Variants in FBXO44 observed in about 807,000 individuals in gnomAD.
FBXO44 encodes F-box protein 44.
Under a neutral mutation model 33.5 loss-of-function variants are expected in FBXO44, and 25 were observed. The observed-to-expected ratio is 0.75, with a 90% CI of 0.54 to 1.04. The LOEUF (loss-of-function observed/expected upper bound fraction) is 1.04, where lower values mean the gene tolerates loss of function less well. Ranked by LOEUF, FBXO44 falls within the 50% of genes least tolerant of loss-of-function variation. The pLI, the probability that FBXO44 is intolerant of heterozygous loss-of-function variation, is 0.00. For missense variants in FBXO44, 311 were observed against 344.0 expected (o/e 0.90, Z 0.76); for synonymous variants, 147 against 152.8 (o/e 0.96, Z 0.28).
chr1:11,655,426 CTGAGGATGGGAG>C (rs1410837956), intron 1 of FBXO44: 1 of 202,704 alleles, frequency 4.9e-6, no homozygotes, highest in African/African-American at 2.3e-5. Context: ...CCATCATGTT[CTGAGGATGGGAG>C]AGAGGATGGT....
chr1:11,657,633 C>T (rs953410989), intron 2 of FBXO44, among the ~76,000 whole-genome samples: 8 of 152,018 alleles, frequency 5.3e-5, no homozygotes, highest in Admixed American at 2.6e-4. Context: ...CCCAGCTACT[C>T]GGGAGGCTGA....
rs1640278961 is a variant in FBXO44 at position 11,663,047 on chromosome 1, C to T, written c.*1774C>T. On this transcript the variant is annotated 3_prime_UTR_variant, in exon 6 of 6. Coordinates refer to ENST00000251547, the MANE Select transcript of FBXO44 (RefSeq NM_033182.7). ...TCTCAGCTCACTGCAAGCTCTGCCT[C>T]CCAGGTTCGCGCCATTCACCTGCCT... is the stretch of plus-strand genomic sequence containing the variant. The T allele has an allele frequency of 1.3e-5, 2 of 150,742 alleles. No homozygotes were observed. Among genetic ancestry groups the T allele is most frequent in the African/African-American group, 4.9e-5 (2 of 40,848 alleles). The allele number at this position is 150,742 out of a possible 1,614,324, so 9.3% of individuals were successfully genotyped here. A position where few individuals can be genotyped will look rare whatever the true frequency, so the allele number is the denominator to read the frequency against.
chr1:11,660,311 G>A lies in FBXO44; in HGVS notation c.625-819G>A, dbSNP rs535898677. On this transcript the variant is annotated intron_variant, in intron 5 of 5. Coordinates refer to ENST00000251547, the MANE Select transcript of FBXO44 (RefSeq NM_033182.7). ...TGAGTAGCTGGGATTACAGGCATGC[G>A]CCACCACGCCAGCTAATTTTGTATT... 5.9e-5 allele frequency among the ~76,000 whole-genome samples: 9 copies of A among 152,200 alleles called. No homozygotes were observed. The East Asian group carries it at 1.4e-3, about 23-fold the overall frequency.
At chr1:11,654,570 A>C (rs1321848394), upstream of FBXO44, 1 of 380,172 alleles carries the variant, frequency 2.6e-6, no homozygotes, top group Non-Finnish European at 4.6e-6. Flanking sequence ...CGGACCGAGG[A>C]GGCTGGGAAA....
chr1:11,662,710 C>T lies in FBXO44; in HGVS notation c.*1437C>T, dbSNP rs1423403577. 6.6e-6 allele frequency: 1 copy of T among 152,236 alleles called. No individual in the cohort carries two copies. Among genetic ancestry groups the T allele is most frequent in the African/African-American group, 2.4e-5 (1 of 41,444 alleles). The allele number at this position is 152,236 out of a possible 1,614,324, so 9.4% of individuals were successfully genotyped here. On this transcript the variant is annotated 3_prime_UTR_variant, in exon 6 of 6. Transcript: ENST00000251547. ...GTGATATGGTTAAGCTTTGTGTCCC[C>T]ACCCACATCTCATCTTGAATGGTAA...
At chr1:11,659,784 C>A (rs1475999540) in intron 5 of FBXO44, among the ~76,000 whole-genome samples, 3 of 152,242 alleles carry the variant, frequency 2.0e-5, no homozygotes, top group African/African-American at 4.8e-5. Context: ...GCATGAGCCA[C>A]TGTGCCCAGC....
chr1:11,658,526 C>T lies in FBXO44; in HGVS notation c.393-7C>T, dbSNP rs1481720355. The T allele has an allele frequency of 6.2e-7, 1 of 1,611,314 alleles. No homozygotes were observed. The highest frequency in any genetic ancestry group is 1.1e-5 in the South Asian group (1 of 90,856). On this transcript the variant is annotated splice_polypyrimidine_tract_variant and splice_region_variant and intron_variant, in intron 3 of 5. Coordinates refer to ENST00000251547, the MANE Select transcript of FBXO44 (RefSeq NM_033182.7). ...CCAGCCCCTCCCACCCCTCTGCCTG[C>T]CCCCAGCACCTGCCTCAAGTCCCAG...
At chr1:11,657,512 G>A (rs1452587804) in intron 2 of FBXO44, among the ~76,000 whole-genome samples, 3 of 152,184 alleles carry the variant, frequency 2.0e-5, no homozygotes, top group Non-Finnish European at 4.4e-5. Context: ...GGCCAAGGTG[G>A]GTGGATCATC....
Position 11,658,886 on chromosome 1 carries a change from G to A in FBXO44, c.624+15G>A, listed in dbSNP as rs1051409912. 2 of 1,602,860 alleles carry A rather than the reference G, an allele frequency of 1.2e-6. No individual in the cohort carries two copies. Among genetic ancestry groups the A allele is most frequent in the African/African-American group, 2.7e-5 (2 of 74,954 alleles). On this transcript the variant is annotated intron_variant, in intron 5 of 5. Transcript: ENST00000251547. ...AGTGGAGGGAGGTGCGTGGGCCTGG[G>A]GGACGGGGGCAGAGGCAGATCGTCC...
rs1217191124 is a variant in FBXO44, at chr1:11,661,126, C to G, written c.625-4C>G. 1.9e-6 allele frequency: 3 copies of G among 1,609,064 alleles called. No individual in the cohort carries two copies. The highest frequency in any genetic ancestry group is 2.6e-6 in the Non-Finnish European group (3 of 1,176,092). On this transcript the variant is annotated splice_region_variant and splice_polypyrimidine_tract_variant and intron_variant, in intron 5 of 5. Transcript: ENST00000251547. The surrounding 1 kb of genome is among the most constrained non-coding windows in gnomAD (Gnocchi z 4.4). The stretch of plus-strand genomic sequence containing the variant: ...CTTTCTCCCCCCTCTACCTGCCCTG[C>G]CAGGTCTCCCACACATTCTCCAACT...
intron 5 of FBXO44, among the ~76,000 whole-genome samples, chr1:11,660,520 T>C (rs1640113310): frequency 6.6e-6 from 1 of 152,238 alleles, no homozygotes; most frequent in Non-Finnish European, 1.5e-5. Flanking sequence ...TTGGACATCC[T>C]TTGGCAGCTT....
At chr1:11,660,726 C>A (rs1051273653) in intron 5 of FBXO44, among the ~76,000 whole-genome samples, 1 of 152,166 alleles carries the variant, frequency 6.6e-6, no homozygotes, top group African/African-American at 2.4e-5. Context: ...TTCCCCTGCC[C>A]CCCTCAGGCA....
chr1:11,661,112 C>G lies in FBXO44; in HGVS notation c.625-18C>G, dbSNP rs761857270. 24 of 1,603,728 alleles carry G rather than the reference C, an allele frequency of 1.5e-5. No individual in the cohort carries two copies. In the South Asian group the frequency reaches 1.7e-4, roughly 11 times the overall value. ...TCAGCTCCCTTGACCTTTCTCCCCC[C>G]TCTACCTGCCCTGCCAGGTCTCCCA... On this transcript the variant is annotated intron_variant, in intron 5 of 5. Transcript: ENST00000251547. The surrounding 1 kb of genome is among the most constrained non-coding windows in gnomAD (Gnocchi z 4.4).
upstream of FBXO44, chr1:11,654,487 G>A: frequency 2.7e-6 from 2 of 745,062 alleles, no homozygotes; most frequent in Non-Finnish European, 3.7e-6. Context: ...GCCCCGCCCC[G>A]CCTCTGGCCC....
chr1:11,658,220 G>A (rs777715093), intron 2 of FBXO44, 47 bp from the exon 3 acceptor site: 16 of 1,607,208 alleles, frequency 1.0e-5, no homozygotes, highest in East Asian at 4.5e-5. Context: ...GGGAGAAGGC[G>A]GCCACTGAGG....
upstream of FBXO44, chr1:11,654,591 C>T (rs1308673541): frequency 5.5e-6 from 2 of 364,874 alleles, no homozygotes; most frequent in African/African-American, 4.2e-5. Flanking sequence ...GGTCAGGAGT[C>T]GTTTTTTTTC....
At chr1:11,660,796 G>A (rs1001957857) in intron 5 of FBXO44, among the ~76,000 whole-genome samples, 18 of 151,810 alleles carry the variant, frequency 1.2e-4, no homozygotes, top group African/African-American at 4.4e-4. Context: ...TATTTCTTTT[G>A]TTTTTTAGAG....
chr1:11,659,553 T>G (rs1157382071), intron 5 of FBXO44, among the ~76,000 whole-genome samples: 1 of 152,230 alleles, frequency 6.6e-6, no homozygotes, highest in Non-Finnish European at 1.5e-5. Flanking sequence ...TCACCCAGGC[T>G]GGCGCATTCA....
chr1:11,658,821 C>T lies in FBXO44; in HGVS notation c.574C>T (p.Gln192Ter), dbSNP rs771019879. The T allele has an allele frequency of 6.2e-6, 10 of 1,612,998 alleles. 1 individual carries two copies. The South Asian group carries it at 1.1e-4, about 18-fold the overall frequency. Residue 192 changes from glutamine (Q) to a stop codon, truncating the protein, a stop_gained, in exon 5 of 6, where the codon CAG (glutamine) becomes TAG (stop). Transcript: ENST00000251547. LOFTEE classifies it high-confidence loss of function. Reference protein sequence around the residue: ...SSAHAPLGTFQPDPATIQQKS... With the variant: ...SSAHAPLGTF The stretch of plus-strand genomic sequence containing the variant: ...CGCGCACGCGCCTCTGGGGACCTTC[C>T]AGCCAGACCCGGCGACCATCCAGCA...
Sources: gnomAD v4.1 joint callset for allele counts (sites outside exome capture counted in the v4.1 genomes callset) on GRCh38, gnomAD v4.1.1 for gene constraint, Gnocchi (gnomAD v3.1) non-coding constraint, MANE v1.5 for transcripts, NCBI Gene and HGNC (gene_info 2026-07-23, HGNC 2026-07-21) for gene names.